Variants in LGMN observed in about 807,000 individuals in gnomAD.
LGMN encodes the protein asparaginyl endopeptidase.
In LGMN, 36 loss-of-function variants were observed where a neutral mutation model predicts 56.8. The ratio of observed to expected loss-of-function variants is 0.63; its 90% confidence interval spans 0.49 to 0.84. The LOEUF (loss-of-function observed/expected upper bound fraction) is 0.84, where lower values mean the gene tolerates loss of function less well. LGMN is among the 40% of genes least tolerant of loss of function. The pLI, the probability that LGMN is intolerant of heterozygous loss-of-function variation, is 0.00. For missense variants in LGMN, 446 were observed against 556.1 expected (o/e 0.80, Z 1.99); for synonymous variants, 199 against 210.1 (o/e 0.95, Z 0.46).
At chr14:92,704,397 G>A (rs752041705) in intron 13 of LGMN, 36 bp from the exon 14 acceptor site, 12 of 1,516,324 alleles carry the variant, frequency 7.9e-6, no homozygotes, top group East Asian at 2.3e-5. Context: ...GGTGAACCGT[G>A]TCAACTCTGA....
chr14:92,741,614 G>A (rs1029030099), intron 1 of LGMN: 8 of 152,208 alleles, frequency 5.3e-5, no homozygotes, highest in African/African-American at 1.9e-4. Flanking sequence ...ACTTCAGGAG[G>A]CCGAGGCGGG....
intron 8 of LGMN, 33 bp from the exon 9 acceptor site, chr14:92,711,988 A>G (rs374188361): frequency 1.1e-5 from 16 of 1,478,898 alleles, no homozygotes; most frequent in Non-Finnish European, 1.4e-5. Flanking sequence ...TTTTAGTTGC[A>G]TTTTATTCCT....
In LGMN at chr14:92,712,823, G is replaced by A. The variant is rs1566918733; in HGVS notation, c.592C>T (p.Leu198=). 3.7e-6 allele frequency: 6 copies of A among 1,613,972 alleles called. No homozygotes were observed. The highest frequency in any genetic ancestry group is 2.2e-5 in the East Asian group (1 of 44,886). ...ACESGSMMNH[L]PDNINVYATT... ...CACCTACCATTGATGTTATCCGGCAGGTGGTTCATCATGGACCCAGACTCA... is the reference window on the plus strand; with the variant it reads ...CACCTACCATTGATGTTATCCGGCAAGTGGTTCATCATGGACCCAGACTCA... The change falls in exon 8 of 14, where the codon CTG becomes TTG. Residue 198 remains leucine (L), a synonymous_variant. Coordinates refer to ENST00000334869, the MANE Select transcript of LGMN (RefSeq NM_005606.7).
At chr14:92,736,425 G>A (rs1489767715) in intron 1 of LGMN, among the ~76,000 whole-genome samples, 1 of 152,026 alleles carries the variant, frequency 6.6e-6, no homozygotes, top group African/African-American at 2.4e-5. Context: ...GTGAAACCCT[G>A]TCTCTACTAA....
Position 92,704,074 on chromosome 14 carries a change from G to T in LGMN, c.*245C>A. ...GGCAAAACAACAAACCTCCTAGAAA[G>T]CAAATATGACCCTTCTCAATACAGA... is the stretch of plus-strand genomic sequence containing the variant. On this transcript the variant is annotated 3_prime_UTR_variant, in exon 14 of 14. Transcript: ENST00000334869. 1 of 703,050 alleles carries T rather than the reference G, an allele frequency of 1.4e-6. No individual in the cohort carries two copies. Among genetic ancestry groups the T allele is most frequent in the Non-Finnish European group, 2.6e-6 (1 of 386,454 alleles). 43.6% of individuals were successfully genotyped at this position (703,050 alleles called of 1,614,324 possible).
intron 2 of LGMN, among the ~76,000 whole-genome samples, chr14:92,723,381 C>CA (rs1890581041): frequency 6.6e-6 from 1 of 151,840 alleles, no homozygotes; most frequent in African/African-American, 2.4e-5. Flanking sequence ...CCAAGAGAAA[C>CA]AAAAAAATGT....
intron 4 of LGMN, 71 bp from the exon 5 acceptor site, chr14:92,716,292 C>T (rs1199482206): frequency 2.9e-6 from 3 of 1,049,462 alleles, no homozygotes; most frequent in Non-Finnish European, 4.5e-6. Flanking sequence ...GAGTCTGCAA[C>T]CGACCCATGC....
At chr14:92,727,905 G>A (rs1341098446) in intron 2 of LGMN, among the ~76,000 whole-genome samples, 2 of 152,178 alleles carry the variant, frequency 1.3e-5, no homozygotes, top group Non-Finnish European at 2.9e-5. Flanking sequence ...TGGGCCTCAA[G>A]TGAAAAACAT....
At position 92,712,861 on chromosome 14, in the gene LGMN, T is replaced by G; in HGVS notation, c.554A>C (p.Tyr185Ser). ...KHKMYRKMVF[Y>S]IEACESGSMM... ...GGACCCAGACTCACAGGCTTCAATG[T>G]AGAACACCATCTGTGAGGCAGACGG... Residue 185 changes from tyrosine (Y) to serine (S), a missense_variant, in exon 8 of 14, where the codon TAC becomes TCC. By Grantham distance (144) the Tyr-to-Ser change is moderately radical (BLOSUM62 -2). Coordinates refer to ENST00000334869, the MANE Select transcript of LGMN (RefSeq NM_005606.7). The G allele has an allele frequency of 1.2e-6, 2 of 1,613,870 alleles. No individual in the cohort carries two copies. Among genetic ancestry groups the G allele is most frequent in the East Asian group, 2.2e-5 (1 of 44,882 alleles).
At chr14:92,734,437 T>C (rs762609176) in intron 1 of LGMN, among the ~76,000 whole-genome samples, 1 of 151,948 alleles carries the variant, frequency 6.6e-6, no homozygotes. Context: ...CTGTCCAACA[T>C]GGCAAAACCC....
intron 4 of LGMN, among the ~76,000 whole-genome samples, chr14:92,716,972 TAACAATAATAAATGAA>T (rs1890105182): frequency 6.6e-6 from 1 of 152,084 alleles, no homozygotes; most frequent in South Asian, 2.1e-4. Flanking sequence ...ATAAACTATA[TAACAATAATAAATGAA>T]AAACTATCTC....
chr14:92,744,626 G>A (rs1054772808), intron 1 of LGMN, among the ~76,000 whole-genome samples: 5 of 130,634 alleles, frequency 3.8e-5, no homozygotes, highest in Admixed American at 2.5e-4. Flanking sequence ...ACGGAGTTTC[G>A]CTCTTGTTGC....
intron 7 of LGMN, among the ~76,000 whole-genome samples, chr14:92,713,619 A>G (rs1889911686): frequency 6.6e-6 from 1 of 152,162 alleles, no homozygotes; most frequent in Non-Finnish European, 1.5e-5. Flanking sequence ...GGCGAGGCCC[A>G]CACTGTTTTA....
At chr14:92,717,809 C>T (rs1327934500) in intron 3 of LGMN, among the ~76,000 whole-genome samples, 1 of 152,186 alleles carries the variant, frequency 6.6e-6, no homozygotes, top group East Asian at 1.9e-4. Flanking sequence ...CAGAAAGAGA[C>T]AGGACAGAGA....
At chr14:92,713,909 AC>A in intron 6 of LGMN, 24 bp from the exon 7 acceptor site, 1 of 1,566,262 alleles carries the variant, frequency 6.4e-7, no homozygotes, top group Non-Finnish European at 8.8e-7. Context: ...ATATTGTCAG[AC>A]CAACACATCA....
intron 12 of LGMN, among the ~76,000 whole-genome samples, chr14:92,705,518 C>CA (rs71461984): frequency 9.3e-5 from 14 of 151,224 alleles, no homozygotes; most frequent in African/African-American, 2.9e-4. Flanking sequence ...AACAAACAAA[C>CA]AAAAAAAACA....
chr14:92,716,267 C>G, intron 4 of LGMN, 46 bp from the exon 5 acceptor site: 1 of 1,413,768 alleles, frequency 7.1e-7, no homozygotes, highest in Non-Finnish European at 1.0e-6. Flanking sequence ...GTCGCTCCAA[C>G]CCAGAGAGTT....
chr14:92,727,078 G>A (rs574322622), intron 2 of LGMN, among the ~76,000 whole-genome samples: 24 of 152,198 alleles, frequency 1.6e-4, no homozygotes, highest in East Asian at 3.9e-4. Flanking sequence ...CAGCCATTTC[G>A]TGACTATGAG....
At chr14:92,724,751 T>C (rs1890662253) in intron 2 of LGMN, among the ~76,000 whole-genome samples, 1 of 152,196 alleles carries the variant, frequency 6.6e-6, no homozygotes, top group African/African-American at 2.4e-5. Flanking sequence ...GATTTGCCGA[T>C]AGGGCAACTG....
Sources: gnomAD v4.1 joint callset for allele counts (sites outside exome capture counted in the v4.1 genomes callset) on GRCh38, gnomAD v4.1.1 for gene constraint, MANE v1.5 for transcripts, NCBI Gene and HGNC (gene_info 2026-07-23, HGNC 2026-07-21) for gene names.